RAPGEF4: variants seen among roughly 807,000 people sequenced by gnomAD.
RAPGEF4 encodes the protein RAP guanine-nucleotide-exchange factor (GEF) 4.
In RAPGEF4, 66 loss-of-function variants were observed where a neutral mutation model predicts 147.9. The observed-to-expected ratio is 0.45, with a 90% CI of 0.37 to 0.55. The LOEUF is 0.55. RAPGEF4 is among the 20% of genes least tolerant of loss of function. The pLI is 0.00. For missense variants in RAPGEF4, 1,071 were observed against 1,257.3 expected, an observed-to-expected ratio of 0.85 and a Z score of 2.24; for synonymous variants, 419 against 442.7, an observed-to-expected ratio of 0.95 and a Z score of 0.67.
At chr2:172,860,229 C>G in intron 4 of RAPGEF4, 12 of 985,294 alleles carry the variant, frequency 1.2e-5, no homozygotes, top group Non-Finnish European at 1.4e-5. Context: ...AAGAGGAGAA[C>G]ATGGATTTAA....
At chr2:172,986,254 T>C (rs1015617068) in intron 12 of RAPGEF4, among the ~76,000 whole-genome samples, 2 of 152,200 alleles carry the variant, frequency 1.3e-5, no homozygotes, top group African/African-American at 2.4e-5. Flanking sequence ...TAAGGAGAAA[T>C]GATCACCACG....
chr2:172,832,362 A>G (rs1227102968), intron 4 of RAPGEF4, among the ~76,000 whole-genome samples: 1 of 152,216 alleles, frequency 6.6e-6, no homozygotes, highest in Non-Finnish European at 1.5e-5. Flanking sequence ...AGTACAGACA[A>G]GGCTAACTAC....
At chr2:173,010,520 G>A (rs75500275) in intron 17 of RAPGEF4, among the ~76,000 whole-genome samples, 2,167 of 152,268 alleles carry the variant, frequency 0.014, 55 homozygotes, top group African/African-American at 0.049. Context: ...TTATGAACAT[G>A]CTGTATTTGA....
intron 4 of RAPGEF4, among the ~76,000 whole-genome samples, chr2:172,899,663 C>CAT (rs1698862733): frequency 6.6e-6 from 1 of 152,082 alleles, no homozygotes; most frequent in South Asian, 2.1e-4. Flanking sequence ...CAGGATGATC[C>CAT]GTTTTTCTGC....
At chr2:173,023,326 T>C (rs1215008297) in intron 23 of RAPGEF4, among the ~76,000 whole-genome samples, 2 of 152,160 alleles carry the variant, frequency 1.3e-5, no homozygotes, top group African/African-American at 2.4e-5. Context: ...AGAAAATGCA[T>C]GGGAGTTCTG....
chr2:172,749,255 T>C (rs1379401395), intron 1 of RAPGEF4, among the ~76,000 whole-genome samples: 1 of 152,228 alleles, frequency 6.6e-6, no homozygotes, highest in Non-Finnish European at 1.5e-5. Flanking sequence ...CCTTCTGCAT[T>C]GCCCTAGCAG....
intron 4 of RAPGEF4, among the ~76,000 whole-genome samples, chr2:172,886,403 C>T (rs1029387395): frequency 1.3e-5 from 2 of 152,206 alleles, no homozygotes; most frequent in Non-Finnish European, 2.9e-5. Flanking sequence ...CAGACTCTTC[C>T]CCTAGACTGT....
intron 10 of RAPGEF4, among the ~76,000 whole-genome samples, chr2:172,978,169 G>A (rs541408929): frequency 2.6e-5 from 4 of 151,764 alleles, no homozygotes; most frequent in South Asian, 2.1e-4. Flanking sequence ...GGCTGCCCAC[G>A]TGGGCTTCTG....
chr2:172,959,620 T>C (rs1399327841), intron 6 of RAPGEF4, among the ~76,000 whole-genome samples: 1 of 152,210 alleles, frequency 6.6e-6, no homozygotes, highest in Non-Finnish European at 1.5e-5. Flanking sequence ...TGGCATTGTA[T>C]TGGTGCTTCT....
intron 6 of RAPGEF4, among the ~76,000 whole-genome samples, chr2:172,950,174 A>G (rs989506562): frequency 6.6e-6 from 1 of 152,176 alleles, no homozygotes; most frequent in South Asian, 2.1e-4. Context: ...CCTGAACACA[A>G]TTAAAGCCCA....
intron 23 of RAPGEF4, among the ~76,000 whole-genome samples, chr2:173,021,357 GC>G (rs1696068589): frequency 6.6e-6 from 1 of 152,178 alleles, no homozygotes; most frequent in Non-Finnish European, 1.5e-5. Context: ...ATCTTAGAAA[GC>G]CTAGAGGGCC....
intron 2 of RAPGEF4, 80 bp downstream of exon 2, chr2:172,795,247 A>G: frequency 7.2e-7 from 1 of 1,384,942 alleles, no homozygotes. Flanking sequence ...ATAAATAGCA[A>G]ATGGAGTATT....
At chr2:172,913,629 AT>A (rs1329495017) in intron 4 of RAPGEF4, among the ~76,000 whole-genome samples, 1 of 151,838 alleles carries the variant, frequency 6.6e-6, no homozygotes, top group Non-Finnish European at 1.5e-5. Flanking sequence ...ATAAGCTCTT[AT>A]TTTCTCTAAC....
intron 4 of RAPGEF4, chr2:172,814,756 A>G (rs1180263637): frequency 3.2e-6 from 1 of 315,624 alleles, no homozygotes; most frequent in Non-Finnish European, 6.1e-6. Context: ...ATACTTTGAC[A>G]TTTTCTTTTG....
At chr2:172,988,653 T>C in intron 13 of RAPGEF4, 40 bp from the exon 14 acceptor site, 1 of 1,581,068 alleles carries the variant, frequency 6.3e-7, no homozygotes, top group South Asian at 1.1e-5. Flanking sequence ...TTTGCTCTAT[T>C]TCAGGGATCT....
intron 4 of RAPGEF4, among the ~76,000 whole-genome samples, chr2:172,837,291 G>A (rs746574240): frequency 3.3e-5 from 5 of 152,106 alleles, no homozygotes; most frequent in East Asian, 3.9e-4. Flanking sequence ...AACATTGGCC[G>A]GTGGGGGTGA....
intron 29 of RAPGEF4, among the ~76,000 whole-genome samples, chr2:173,043,996 C>T (rs1032541769): frequency 1.2e-4 from 18 of 152,086 alleles, no homozygotes; most frequent in Admixed American, 4.6e-4. Context: ...AATTTAAGAG[C>T]GAGCTGACAA....
At chr2:172,917,630 CACA>C (rs1337377015) in intron 4 of RAPGEF4, among the ~76,000 whole-genome samples, 169 bp from the exon 5 acceptor site, 2 of 152,198 alleles carry the variant, frequency 1.3e-5, no homozygotes, top group South Asian at 4.1e-4. Context: ...CTGTTTAGAA[CACA>C]ACATCTTTAT....
At chr2:172,990,958 C>G (rs1692773532) in intron 15 of RAPGEF4, 33 bp downstream of exon 15, 1 of 1,456,110 alleles carries the variant, frequency 6.9e-7, no homozygotes, top group Admixed American at 1.7e-5. Flanking sequence ...AATTGCCAGA[C>G]TATGATTAAC....
Sources: gnomAD v4.1 joint callset for allele counts (sites outside exome capture counted in the v4.1 genomes callset) on GRCh38, gnomAD v4.1.1 for gene constraint, MANE v1.5 for transcripts, NCBI Gene and HGNC (gene_info 2026-07-23, HGNC 2026-07-21) for gene names.